Variants in SHC2 observed in about 807,000 individuals in gnomAD.
The protein encoded by SHC2 is SHC-transforming protein 2.
A neutral mutation model predicts 60.6 loss-of-function variants in SHC2; 62 were observed. That is an observed-to-expected ratio of 1.02 (90% CI 0.83 to 1.26). The LOEUF is 1.26. Among genes scored for constraint, SHC2 ranks in the 50% most tolerant of loss-of-function variants. The pLI is 0.00. For synonymous variants in SHC2, 375 were observed against 372.4 expected, an observed-to-expected ratio of 1.01 and a Z score of -0.08; for missense variants, 873 against 822.2, an observed-to-expected ratio of 1.06 and a Z score of -0.76.
chr19:429,662 C>A lies in SHC2; in HGVS notation c.1174+1022G>T, dbSNP rs12978002. 3.5e-3 allele frequency among the ~76,000 whole-genome samples: 264 copies of A among 74,798 alleles called. 2 individuals are homozygous for A. Among genetic ancestry groups the A allele is most frequent in the Middle Eastern group, 0.014 (1 of 74 alleles). The allele number at this position is 74,798 out of a possible 152,430, so 49.1% of individuals were successfully genotyped here. On this transcript the variant is annotated intron_variant, in intron 9 of 12. Coordinates refer to ENST00000264554, the MANE Select transcript of SHC2 (RefSeq NM_012435.3). ...CTATACCCAACATGCACGGAAATCT[C>A]ATACCGTGTGGATGACGCAGTACCT...
chr19:458,460 C>CG (rs1975434361), intron 1 of SHC2, among the ~76,000 whole-genome samples: 1 of 123,542 alleles, frequency 8.1e-6, no homozygotes, highest in African/African-American at 3.0e-5. Flanking sequence ...AAGTGGGTTC[C>CG]GGGGAGGCAG....
intron 8 of SHC2, among the ~76,000 whole-genome samples, chr19:434,428 CTGAG>C (rs993419080): frequency 0.02 from 34 of 1,730 alleles, no homozygotes; most frequent in African/African-American, 0.046. Flanking sequence ...GTGAGTGAGA[CTGAG>C]TGAGATCATG....
At chr19:421,377 G>C (rs1236315862) in intron 11 of SHC2, among the ~76,000 whole-genome samples, 1 of 147,444 alleles carries the variant, frequency 6.8e-6, no homozygotes, top group Non-Finnish European at 1.5e-5. Context: ...TCCAGCCGGG[G>C]CAACAGTGCG....
rs1294428461 is a variant in SHC2 at position 425,247 on chromosome 19, A to C, written c.1175-16T>G. Reference sequence around the variant, plus strand: ...CCCGGTGGAGCTGGGGAGTGTAAAGAGGGGCAGGGGGTCAGCTGGGAGCCA... The same window carrying C: ...CCCGGTGGAGCTGGGGAGTGTAAAGCGGGGCAGGGGGTCAGCTGGGAGCCA... On this transcript the variant is annotated splice_polypyrimidine_tract_variant and intron_variant, in intron 9 of 12. Transcript: ENST00000264554. The surrounding 1 kb of genome is among the most constrained non-coding windows in gnomAD (Gnocchi z 4.1). 1 of 1,317,754 alleles carries C rather than the reference A, an allele frequency of 7.6e-7. No individual in the cohort carries two copies. The highest frequency in any genetic ancestry group is 2.8e-5 in the East Asian group (1 of 35,696). 81.6% of individuals were successfully genotyped at this position (1,317,754 alleles called of 1,614,324 possible). A position where few individuals can be genotyped will look rare whatever the true frequency, so the allele number is the denominator to read the frequency against.
In SHC2 at chr19:422,150, C is replaced by A; in HGVS notation, c.1616G>T (p.Gly539Val). 6 of 1,607,064 alleles carry A rather than the reference C, an allele frequency of 3.7e-6. No individual in the cohort carries two copies. Among genetic ancestry groups the A allele is most frequent in the Non-Finnish European group, 5.1e-6 (6 of 1,176,766 alleles). The change falls in exon 11 of 13, where the codon GGC becomes GTC. Residue 539 changes from glycine to valine, a missense_variant. Gly to Val is a moderately radical substitution (Grantham distance 109, BLOSUM62 -3). Coordinates refer to ENST00000264554, the MANE Select transcript of SHC2 (RefSeq NM_012435.3). This position sits in a 1 kb window ranked among gnomAD's most constrained non-coding sequence, Gnocchi z 5.0. Reference protein sequence around the residue: ...PKHLLLVDPEGVVRTKDVLFE... With the variant: ...PKHLLLVDPEVVVRTKDVLFE... ...TCCCACCTGTGCACAGCTTACCACGCCCTCGGGGTCCACGAGCAGCAGGTG... is the reference window on the plus strand; with the variant it reads ...TCCCACCTGTGCACAGCTTACCACGACCTCGGGGTCCACGAGCAGCAGGTG...
At chr19:437,296 GTGCTCGTCTGTGTGCTCATCTGCA>G (rs1568289382) in intron 4 of SHC2, among the ~76,000 whole-genome samples, 3 of 148,442 alleles carry the variant, frequency 2.0e-5, no homozygotes, top group East Asian at 1.9e-4. Context: ...GCTCATCTGC[GTGCTCGTCTGTGTGCTCATCTGCA>G]TGCTCATCTG....
At chr19:456,325 G>A (rs1477881733) in intron 1 of SHC2, among the ~76,000 whole-genome samples, 3 of 74,662 alleles carry the variant, frequency 4.0e-5, no homozygotes, top group African/African-American at 1.8e-4. Flanking sequence ...TGGGGGCTGA[G>A]GCCGGTCAGG....
chr19:436,171 G>T lies in SHC2; in HGVS notation c.947C>A (p.Pro316Gln). The change falls in exon 7 of 13, where the codon CCA becomes CAA. Residue 316 changes from proline (P) to glutamine (Q), a missense_variant. Transcript: ENST00000264554. Reference sequence around the variant, plus strand: ...GGGAGGCAGCTCTGGTTACCTTTCTGGGGGCAGCGCCACCTTGGGCGGGCT... The same window carrying T: ...GGGAGGCAGCTCTGGTTACCTTTCTTGGGGCAGCGCCACCTTGGGCGGGCT... ...LHSPPKVALP[P>Q]ERLAGPEESA... The T allele has an allele frequency of 6.2e-7, 1 of 1,611,134 alleles. No individual in the cohort carries two copies. Among genetic ancestry groups the T allele is most frequent in the South Asian group, 1.1e-5 (1 of 90,618 alleles).
chr19:450,473 C>A (rs1568296611), intron 1 of SHC2, among the ~76,000 whole-genome samples: 1 of 152,026 alleles, frequency 6.6e-6, no homozygotes, highest in Non-Finnish European at 1.5e-5. Context: ...TCTTCCCAAA[C>A]TCAAACTGAC....
intron 1 of SHC2, among the ~76,000 whole-genome samples, chr19:458,769 G>GGCGGGTTCCGGGGAGGCGGAA (rs1568301130): frequency 2.0e-4 from 15 of 76,498 alleles, no homozygotes; most frequent in African/African-American, 6.7e-4. Flanking sequence ...GGGAGGCGGA[G>GGCGGGTTCCGGGGAGGCGGAA]GCGGGTTCCG....
Position 441,475 on chromosome 19 carries a change from G to A in SHC2, c.469-543C>T, listed in dbSNP as rs1974867198. On this transcript the variant is annotated intron_variant, in intron 1 of 12. Transcript: ENST00000264554. The surrounding 1 kb of genome is among the most constrained non-coding windows in gnomAD (Gnocchi z 4.9). ...GACTGATAATACTGAGGGACGAGAG[G>A]GGCAGAGGCGTCCCACCGAGTCCCT... 6.6e-6 allele frequency among the ~76,000 whole-genome samples: 1 copy of A among 152,038 alleles called. No homozygotes were observed. Among genetic ancestry groups the A allele is most frequent in the African/African-American group, 2.4e-5 (1 of 41,382 alleles).
At chr19:428,753 C>T (rs542650931) in intron 9 of SHC2, among the ~76,000 whole-genome samples, 6 of 152,138 alleles carry the variant, frequency 3.9e-5, no homozygotes, top group African/African-American at 1.4e-4. Flanking sequence ...AATGCAGTAC[C>T]TATATCCAAC....
intron 4 of SHC2, among the ~76,000 whole-genome samples, chr19:437,527 C>T (rs555651231): frequency 2.2e-4 from 34 of 152,094 alleles, no homozygotes; most frequent in Admixed American, 1.2e-3. Flanking sequence ...TAGGGACCCT[C>T]GAGGCTCTCC....
chr19:437,195 T>A (rs1487164417), intron 4 of SHC2, among the ~76,000 whole-genome samples: 2 of 152,204 alleles, frequency 1.3e-5, no homozygotes, highest in African/African-American at 4.8e-5. Flanking sequence ...TGCATGCTCA[T>A]CTACTTGCTC....
chr19:418,849 G>A (rs1974209192), intron 12 of SHC2, 74 bp downstream of exon 12: 1 of 1,494,882 alleles, frequency 6.7e-7, no homozygotes, highest in Non-Finnish European at 9.0e-7. Flanking sequence ...ACGTGAACCG[G>A]GTCTCAATTT....
rs1361403209 is a variant in SHC2, at chr19:436,621, T to A, written c.774+9A>T. 6.2e-7 allele frequency: 1 copy of A among 1,603,654 alleles called. No homozygotes were observed. Among genetic ancestry groups the A allele is most frequent in the African/African-American group, 1.3e-5 (1 of 74,982 alleles). ...AGGGCTGCAGGTCCACCCCCATCCC[T>A]GGCCTCACCGTGTCTCCGCCTGACG... On this transcript the variant is annotated intron_variant, in intron 5 of 12. Transcript: ENST00000264554.
At chr19:437,350 A>C (rs1462085664) in intron 4 of SHC2, among the ~76,000 whole-genome samples, 1 of 151,386 alleles carries the variant, frequency 6.6e-6, no homozygotes, top group Non-Finnish European at 1.5e-5. Context: ...TTGCATGCTC[A>C]TCTGTGTGCT....
At chr19:454,057 A>G (rs956299653) in intron 1 of SHC2, among the ~76,000 whole-genome samples, 2 of 152,220 alleles carry the variant, frequency 1.3e-5, no homozygotes, top group Non-Finnish European at 2.9e-5. Flanking sequence ...GCTCAGATCT[A>G]CGCCTTCGGG....
At chr19:444,685 G>A (rs1232302173) in intron 1 of SHC2, among the ~76,000 whole-genome samples, 2 of 152,160 alleles carry the variant, frequency 1.3e-5, no homozygotes, top group East Asian at 1.9e-4. Flanking sequence ...TAACGATACC[G>A]ACACCTCGCT....
Sources: gnomAD v4.1 joint callset for allele counts (sites outside exome capture counted in the v4.1 genomes callset) on GRCh38, gnomAD v4.1.1 for gene constraint, Gnocchi (gnomAD v3.1) non-coding constraint, MANE v1.5 for transcripts, NCBI Gene and HGNC (gene_info 2026-07-23, HGNC 2026-07-21) for gene names.